The following DDTL variants were observed in gnomAD, a reference collection of about 807,000 sequenced individuals.
DDTL encodes putative D-dopachrome decarboxylase-like protein.
Under a neutral mutation model 1.1 loss-of-function variants are expected in DDTL, and 1 was observed. The ratio of observed to expected loss-of-function variants is 0.91; its 90% confidence interval spans 0.32 to 4.31. DDTL has a LOEUF of 4.31. Ranked by LOEUF, DDTL falls within the 30% of genes most tolerant of loss-of-function variation. The pLI, the probability that DDTL is intolerant of heterozygous loss-of-function variation, is 0.17. For synonymous variants in DDTL, 21 were observed against 16.6 expected (o/e 1.26, Z -0.64); for missense variants, 54 against 48.9 (o/e 1.10, Z -0.31).
intron 2 of DDTL, 64 bp from the exon 3 acceptor site, chr22:23,971,222 A>G (rs914566445): frequency 6.5e-7 from 1 of 1,547,670 alleles, no homozygotes; most frequent in Non-Finnish European, 8.7e-7. Context: ...GGGTGTGGAG[A>G]GCAGAGCCTC....
At position 23,972,513 on chromosome 22, in the gene DDTL, GT is replaced by G. The variant is rs2033927008; in HGVS notation, c.*1110del. The G allele has an allele frequency of 1.1e-5, 2 of 184,602 alleles. No individual in the cohort carries two copies. The highest frequency in any genetic ancestry group is 4.8e-5 in the African/African-American group (2 of 41,590). The allele number at this position is 184,602 out of a possible 1,614,324, so 11.4% of individuals were successfully genotyped here. On this transcript the variant is annotated 3_prime_UTR_variant, in exon 3 of 3. Coordinates refer to ENST00000215770, the MANE Select transcript of DDTL (RefSeq NM_001084393.2). ...TACGTACTATGTAAATAGTTGTATT[GT>G]TTAGGGAATAATGACAAGGAATAAA...
At chr22:23,971,176 G>C (rs1395164169) in intron 2 of DDTL, 110 bp from the exon 3 acceptor site, 1 of 1,487,412 alleles carries the variant, frequency 6.7e-7, no homozygotes, top group Non-Finnish European at 9.0e-7. Context: ...GCCCCAGCTG[G>C]ACCAGCTGCT....
Position 23,971,156 on chromosome 22 carries a change from C to A in DDTL, c.285-130C>A, listed in dbSNP as rs1016950282. On this transcript the variant is annotated intron_variant, in intron 2 of 2. Transcript: ENST00000215770. ...AGGACAGGAGCCTCAGGTCAGCAGT[C>A]TGCAGGAAGGCCCCAGCTGGACCAG... is the stretch of plus-strand genomic sequence containing the variant. 5 of 1,387,038 alleles carry A rather than the reference C, an allele frequency of 3.6e-6. No homozygotes were observed. The African/African-American group carries it at 7.3e-5, about 20-fold the overall frequency. 85.9% of individuals were successfully genotyped at this position (1,387,038 alleles called of 1,614,324 possible). A position where few individuals can be genotyped will look rare whatever the true frequency, so the allele number is the denominator to read the frequency against.
Position 23,971,880 on chromosome 22 carries a change from C to G in DDTL, c.*474C>G, listed in dbSNP as rs115319739. 2 of 467,764 alleles carry G rather than the reference C, an allele frequency of 4.3e-6. No individual in the cohort carries two copies. The highest frequency in any genetic ancestry group is 7.6e-6 in the Non-Finnish European group (2 of 264,310). 29.0% of individuals were successfully genotyped at this position (467,764 alleles called of 1,614,324 possible). A position where few individuals can be genotyped will look rare whatever the true frequency, so the allele number is the denominator to read the frequency against. ...AATACAGTAGCCTCGGTGTGTGTGC[C>G]GTACACTCTATCATCTCCATCAGTT... is the stretch of plus-strand genomic sequence containing the variant. On this transcript the variant is annotated 3_prime_UTR_variant, in exon 3 of 3. Coordinates refer to ENST00000215770, the MANE Select transcript of DDTL (RefSeq NM_001084393.2).
chr22:23,969,738 A>C (rs1360044665), intron 2 of DDTL: 2 of 974,718 alleles, frequency 2.1e-6, no homozygotes. Flanking sequence ...AGGTTTGTTT[A>C]GGCCCAGGAG....
rs370121216 is a variant in DDTL at position 23,971,053 on chromosome 22, C to T, written c.285-233C>T. ...TACAGTGGGGAAAAGGGGAGAGTGG[C>T]GTGGCAGGCTGCCCAGCCAGTCATG... On this transcript the variant is annotated intron_variant, in intron 2 of 2. Coordinates refer to ENST00000215770, the MANE Select transcript of DDTL (RefSeq NM_001084393.2). 3.1e-3 allele frequency among the ~76,000 whole-genome samples: 477 copies of T among 152,324 alleles called. 6 individuals carry two copies. The highest frequency in any genetic ancestry group is 0.03 in the East Asian group (157 of 5,182).
In DDTL at chr22:23,971,588, T is replaced by C. The variant is rs1409049647; in HGVS notation, c.*182T>C. On this transcript the variant is annotated 3_prime_UTR_variant, in exon 3 of 3. Transcript: ENST00000215770. ...CATGACCGTCCCTATCTTGCCAATCTGCCAGGACTCCAAGGGGAAAAAGCG... is the reference window on the plus strand; with the variant it reads ...CATGACCGTCCCTATCTTGCCAATCCGCCAGGACTCCAAGGGGAAAAAGCG... 6.2e-7 allele frequency: 1 copy of C among 1,614,058 alleles called. No individual in the cohort carries two copies. Among genetic ancestry groups the C allele is most frequent in the African/African-American group, 1.3e-5 (1 of 74,930 alleles).
In DDTL at chr22:23,972,050, G is replaced by T; in HGVS notation, c.*644G>T. 6.5e-6 allele frequency: 3 copies of T among 463,576 alleles called. No individual in the cohort carries two copies. Among genetic ancestry groups the T allele is most frequent in the Non-Finnish European group, 8.5e-6 (3 of 352,084 alleles). 28.7% of individuals were successfully genotyped at this position (463,576 alleles called of 1,614,324 possible). A position where few individuals can be genotyped will look rare whatever the true frequency, so the allele number is the denominator to read the frequency against. ...TAATGTCTGGGCCATAAGTGAACAT[G>T]CCCCTCTCAGAGGTAACAGCAAGTT... On this transcript the variant is annotated 3_prime_UTR_variant, in exon 3 of 3. Transcript: ENST00000215770.
chr22:23,970,603 CTG>C (rs1415878402), intron 2 of DDTL, among the ~76,000 whole-genome samples: 1 of 151,772 alleles, frequency 6.6e-6, no homozygotes, highest in Non-Finnish European at 1.5e-5. Flanking sequence ...AATTATGTGA[CTG>C]GGTGTATATG....
At chr22:23,970,330 A>ACATG (rs2033877584) in intron 2 of DDTL, among the ~76,000 whole-genome samples, 1 of 152,044 alleles carries the variant, frequency 6.6e-6, no homozygotes, top group African/African-American at 2.4e-5. Context: ...TGAACTGTGT[A>ACATG]CATGGGTGTA....
chr22:23,969,420 A>T, intron 2 of DDTL: 1 of 985,702 alleles, frequency 1.0e-6, no homozygotes, highest in Non-Finnish European at 1.2e-6. Context: ...ACAGACTGAC[A>T]GAGATGATGG....
At chr22:23,969,955 GCAT>G in intron 2 of DDTL, 1 of 694,318 alleles carries the variant, frequency 1.4e-6, no homozygotes, top group Non-Finnish European at 1.8e-6. Flanking sequence ...ACTGTGGTGT[GCAT>G]CATTGTTAAG....
At position 23,970,598 on chromosome 22, in the gene DDTL, T is replaced by C. The variant is rs117706949; in HGVS notation, c.285-688T>C. On this transcript the variant is annotated intron_variant, in intron 2 of 2. Coordinates refer to ENST00000215770, the MANE Select transcript of DDTL (RefSeq NM_001084393.2). ...GACTTTGTTGGATGTGAGTGAATTATGTGACTGGGTGTATATGTGTGTGTA... is the reference window on the plus strand; with the variant it reads ...GACTTTGTTGGATGTGAGTGAATTACGTGACTGGGTGTATATGTGTGTGTA... Among the ~76,000 whole-genome samples, 474 of 152,242 alleles carry C rather than the reference T, an allele frequency of 3.1e-3. 6 individuals are homozygous for C. Among genetic ancestry groups the C allele is most frequent in the East Asian group, 0.031 (159 of 5,184 alleles).
intron 2 of DDTL, chr22:23,969,978 CA>C (rs756305994): frequency 3.1e-5 from 15 of 485,286 alleles, no homozygotes; most frequent in African/African-American, 4.2e-5. Context: ...GCAGGGCCAG[CA>C]GGATCCTCAT....
chr22:23,970,499 A>G (rs1351125274), intron 2 of DDTL, among the ~76,000 whole-genome samples: 1 of 150,264 alleles, frequency 6.7e-6, no homozygotes, highest in Admixed American at 6.6e-5. Context: ...TATGAATGTC[A>G]GTGAATGCTG....
At position 23,971,700 on chromosome 22, in the gene DDTL, C is replaced by G; in HGVS notation, c.*294C>G. 1 of 1,346,146 alleles carries G rather than the reference C, an allele frequency of 7.4e-7. No individual in the cohort carries two copies. Among genetic ancestry groups the G allele is most frequent in the Non-Finnish European group, 1.0e-6 (1 of 961,028 alleles). The allele number at this position is 1,346,146 out of a possible 1,614,324, so 83.4% of individuals were successfully genotyped here. A position where few individuals can be genotyped will look rare whatever the true frequency, so the allele number is the denominator to read the frequency against. On this transcript the variant is annotated 3_prime_UTR_variant, in exon 3 of 3. Coordinates refer to ENST00000215770, the MANE Select transcript of DDTL (RefSeq NM_001084393.2). Reference sequence around the variant, plus strand: ...CTTGCAAGACCCCTGCCAGGTACTCCCACTGTGGGTACTCAGGACAGCCTG... The same window carrying G: ...CTTGCAAGACCCCTGCCAGGTACTCGCACTGTGGGTACTCAGGACAGCCTG...
chr22:23,969,308 TG>T (rs892684450), intron 2 of DDTL: 12 of 984,546 alleles, frequency 1.2e-5, no homozygotes, highest in East Asian at 1.1e-4. Flanking sequence ...ACATTAGTGG[TG>T]GGGGGGCCAC....
chr22:23,972,316 A>G lies in DDTL; in HGVS notation c.*910A>G, dbSNP rs994820431. The G allele has an allele frequency of 5.3e-6, 4 of 760,490 alleles. No individual in the cohort carries two copies. The highest frequency in any genetic ancestry group is 6.4e-5 in the Admixed American group (1 of 15,628). The allele number at this position is 760,490 out of a possible 1,614,324, so 47.1% of individuals were successfully genotyped here. ...GTATAACACTTGTTGTTAGAGTAAC[A>G]GTTTTCCCTGAGTATCCGTGGGAGA... On this transcript the variant is annotated 3_prime_UTR_variant, in exon 3 of 3. Coordinates refer to ENST00000215770, the MANE Select transcript of DDTL (RefSeq NM_001084393.2).
chr22:23,969,519 T>C (rs2033861306), intron 2 of DDTL: 3 of 985,406 alleles, frequency 3.0e-6, no homozygotes, highest in Non-Finnish European at 3.6e-6. Flanking sequence ...CACACCTGAG[T>C]GTCCCACTGC....
Sources: allele counts gnomAD v4.1 joint callset (sites outside exome capture counted in the v4.1 genomes callset), GRCh38; gene constraint gnomAD v4.1.1; transcripts MANE v1.5; gene names NCBI Gene and HGNC (gene_info 2026-07-23, HGNC 2026-07-21).